The following ZFAT variants were observed in gnomAD, a reference collection of about 807,000 sequenced individuals.
The protein encoded by ZFAT is zinc finger protein ZFAT.
Under a neutral mutation model 117.7 loss-of-function variants are expected in ZFAT, and 64 were observed. The ratio of observed to expected loss-of-function variants is 0.54; its 90% CI spans 0.44 to 0.67. ZFAT has a LOEUF of 0.67. Ranked by LOEUF, ZFAT falls within the 30% of genes least tolerant of loss-of-function variation. The pLI, the probability that ZFAT is intolerant of heterozygous loss-of-function variation, is 0.00. For synonymous variants in ZFAT, 679 were observed against 615.0 expected (o/e 1.10, Z -1.54); for missense variants, 1,433 against 1,584.5 (o/e 0.90, Z 1.62).
At chr8:134,569,264 A>T (rs768671360) in intron 10 of ZFAT, among the ~76,000 whole-genome samples, 14 of 152,062 alleles carry the variant, frequency 9.2e-5, no homozygotes, top group Non-Finnish European at 1.8e-4. Flanking sequence ...AGCTTCAAAT[A>T]AGCTTCAAAT....
At chr8:134,775,300 A>G in the ZFAT span, among the ~76,000 whole-genome samples, 1 of 152,192 alleles carries the variant, frequency 6.6e-6, no homozygotes, top group Admixed American at 6.5e-5. Context: ...TTACAATTGA[A>G]AATTTATTTG....
the ZFAT span, among the ~76,000 whole-genome samples, chr8:134,802,705 A>G: frequency 1.5e-4 from 23 of 152,346 alleles, no homozygotes; most frequent in Non-Finnish European, 2.5e-4. Flanking sequence ...TACTTTAAAT[A>G]TCAATTGGTA....
chr8:134,478,383 C>G lies in ZFAT; in HGVS notation c.*99G>C. On this transcript the variant is annotated 3_prime_UTR_variant, in exon 16 of 16. Transcript: ENST00000377838. The surrounding 1 kb of genome is among the most constrained non-coding windows in gnomAD (Gnocchi z 5.2). ...GCTGGGCAGGGAGGGCAAAGGAGAG[C>G]ACCATTCTGCGGGTAGGGCAGGAAG... is the stretch of plus-strand genomic sequence containing the variant. 1 of 1,473,194 alleles carries G rather than the reference C, an allele frequency of 6.8e-7. No homozygotes were observed. The highest frequency in any genetic ancestry group is 9.0e-7 in the Non-Finnish European group (1 of 1,107,574). 91.3% of individuals were successfully genotyped at this position (1,473,194 alleles called of 1,614,324 possible).
intron 3 of ZFAT, among the ~76,000 whole-genome samples, chr8:134,635,633 G>A (rs1439854173): frequency 2.3e-5 from 3 of 128,566 alleles, no homozygotes; most frequent in Non-Finnish European, 4.8e-5. Context: ...GAGAGAGAGA[G>A]AGTCAGGGAG....
At chr8:134,608,964 G>T (rs1055524511) in intron 4 of ZFAT, 85 bp from the exon 5 acceptor site, 1 of 1,478,310 alleles carries the variant, frequency 6.8e-7, no homozygotes, top group East Asian at 2.4e-5. Context: ...ATGGTGCTGG[G>T]AAGTCTATTT....
At chr8:134,670,198 C>G (rs1477966664) in intron 1 of ZFAT, among the ~76,000 whole-genome samples, 1 of 152,172 alleles carries the variant, frequency 6.6e-6, no homozygotes, top group Non-Finnish European at 1.5e-5. Context: ...ATCAACGAGA[C>G]AGAAAGTTAA....
chr8:134,618,294 T>C (rs2131007484), intron 3 of ZFAT, among the ~76,000 whole-genome samples: 1 of 152,328 alleles, frequency 6.6e-6, no homozygotes, highest in South Asian at 2.1e-4. Flanking sequence ...TTCGTCATCT[T>C]GTGCAATCGT....
At chr8:134,486,478 T>C (rs1817663514) in intron 15 of ZFAT, among the ~76,000 whole-genome samples, 2 of 152,190 alleles carry the variant, frequency 1.3e-5, no homozygotes, top group South Asian at 4.1e-4. Context: ...AGGTTCCTAT[T>C]TATTAAACCA....
intron 9 of ZFAT, among the ~76,000 whole-genome samples, chr8:134,584,566 C>T (rs1188109608): frequency 6.6e-6 from 1 of 152,226 alleles, no homozygotes; most frequent in African/African-American, 2.4e-5. Context: ...ACAAATCGAA[C>T]TTTACCAACT....
intron 1 of ZFAT, among the ~76,000 whole-genome samples, chr8:134,684,561 C>G (rs1833227799): frequency 6.6e-6 from 1 of 152,086 alleles, no homozygotes; most frequent in South Asian, 2.1e-4. Flanking sequence ...TGCTGGGTTC[C>G]TGGTATTTCT....
intron 13 of ZFAT, among the ~76,000 whole-genome samples, chr8:134,514,857 C>A (rs186346611): frequency 2.5e-4 from 38 of 152,252 alleles, no homozygotes; most frequent in South Asian, 2.3e-3. Flanking sequence ...ATGTGCAGAA[C>A]ATGCAGGTTT....
chr8:134,812,099 G>A, the ZFAT span, among the ~76,000 whole-genome samples: 6 of 151,910 alleles, frequency 3.9e-5, no homozygotes, highest in South Asian at 2.1e-4. Context: ...AGCCGAGATC[G>A]CACCACTGCA....
At chr8:134,810,364 G>C in the ZFAT span, among the ~76,000 whole-genome samples, 1 of 152,244 alleles carries the variant, frequency 6.6e-6, no homozygotes, top group East Asian at 1.9e-4. Context: ...ATGTCCAACG[G>C]ATGCCAGGCT....
At chr8:134,512,207 G>A (rs776075499) in intron 14 of ZFAT, among the ~76,000 whole-genome samples, 1 of 152,218 alleles carries the variant, frequency 6.6e-6, no homozygotes, top group African/African-American at 2.4e-5. Flanking sequence ...CTCACAAGGC[G>A]GTTCAGAGAA....
chr8:134,768,806 A>G, the ZFAT span, among the ~76,000 whole-genome samples: 1 of 152,174 alleles, frequency 6.6e-6, no homozygotes. Flanking sequence ...TCATGTTGTC[A>G]CTTTTCAAAA....
chr8:134,591,138 C>T (rs1374937004), intron 7 of ZFAT, among the ~76,000 whole-genome samples: 2 of 152,198 alleles, frequency 1.3e-5, no homozygotes, highest in Non-Finnish European at 2.9e-5. Context: ...CAGCACTCAA[C>T]GCAGGGATTG....
At chr8:134,804,865 G>C in the ZFAT span, 2 of 534,292 alleles carry the variant, frequency 3.7e-6, no homozygotes. Context: ...GAGGATGTCT[G>C]TGAATAGCCG....
At chr8:134,535,380 A>G (rs1821752896) in intron 11 of ZFAT, among the ~76,000 whole-genome samples, 1 of 152,112 alleles carries the variant, frequency 6.6e-6, no homozygotes, top group Non-Finnish European at 1.5e-5. Flanking sequence ...AAAGACAGAA[A>G]CCCACAGCCA....
intron 1 of ZFAT, chr8:134,696,388 C>T: frequency 2.0e-6 from 2 of 985,632 alleles, no homozygotes; most frequent in Non-Finnish European, 2.4e-6. Flanking sequence ...ACCCAGGAAT[C>T]AACAGGAAAG....
Sources: allele counts gnomAD v4.1 joint callset (sites outside exome capture counted in the v4.1 genomes callset), GRCh38; gene constraint gnomAD v4.1.1; non-coding constraint Gnocchi (gnomAD v3.1); transcripts MANE v1.5; gene names NCBI Gene and HGNC (gene_info 2026-07-23, HGNC 2026-07-21).